The following RTN4 variants were observed in gnomAD, a reference collection of about 807,000 sequenced individuals.
RTN4 encodes the protein reticulon 4.
Under a neutral mutation model 90.4 loss-of-function variants are expected in RTN4, and 32 were observed. That is an observed-to-expected ratio of 0.35 (90% CI 0.27 to 0.48). RTN4 has a LOEUF of 0.48. Ranked by LOEUF, RTN4 falls within the 20% of genes least tolerant of loss-of-function variation. The pLI, the probability that RTN4 is intolerant of heterozygous loss-of-function variation, is 0.99. For synonymous variants in RTN4, 629 were observed against 552.5 expected (o/e 1.14, Z -1.94); for missense variants, 1,706 against 1,430.2 (o/e 1.19, Z -3.11).
intron 1 of RTN4, among the ~76,000 whole-genome samples, chr2:55,032,681 G>C (rs1682403113): frequency 6.6e-6 from 1 of 152,120 alleles, no homozygotes; most frequent in Admixed American, 6.6e-5. Flanking sequence ...CAGAGCCTCA[G>C]TGCTGAGAGA....
intron 2 of RTN4, among the ~76,000 whole-genome samples, chr2:55,057,031 C>A (rs562808775): frequency 1.3e-5 from 2 of 152,278 alleles, no homozygotes; most frequent in East Asian, 1.9e-4. Context: ...AAACTTCTGA[C>A]CCCAGAAAAA....
chr2:55,019,016 T>C (rs1681236218), intron 3 of RTN4, among the ~76,000 whole-genome samples: 1 of 152,002 alleles, frequency 6.6e-6, no homozygotes. Context: ...AAGTAAGAAA[T>C]GCTCCCCTCC....
intron 5 of RTN4, among the ~76,000 whole-genome samples, chr2:54,976,574 A>C (rs1260149984): frequency 6.6e-6 from 1 of 152,186 alleles, no homozygotes; most frequent in Non-Finnish European, 1.5e-5. Flanking sequence ...CTATCATATA[A>C]TTTTTAAATG....
chr2:55,057,805 A>C (rs1276821150), intron 2 of RTN4, among the ~76,000 whole-genome samples: 1 of 152,068 alleles, frequency 6.6e-6, no homozygotes, highest in Admixed American at 6.6e-5. Context: ...GCAACATAGC[A>C]AAAACCTATC....
intron 4 of RTN4, among the ~76,000 whole-genome samples, chr2:54,985,217 T>C (rs1260924242): frequency 1.5e-5 from 2 of 133,398 alleles, no homozygotes; most frequent in African/African-American, 5.7e-5. Flanking sequence ...TGGAGTATAG[T>C]GGCATGATCA....
intron 4 of RTN4, among the ~76,000 whole-genome samples, chr2:54,984,814 A>C (rs749721879): frequency 1.3e-5 from 2 of 152,182 alleles, no homozygotes; most frequent in African/African-American, 2.4e-5. Flanking sequence ...TAAGAATATA[A>C]AGTGTTTCTA....
At chr2:55,113,512 G>C (rs1050978908), upstream of RTN4, among the ~76,000 whole-genome samples, 1 of 152,190 alleles carries the variant, frequency 6.6e-6, no homozygotes, top group African/African-American at 2.4e-5. Context: ...AAGAGACAAG[G>C]GTGGTGGTGG....
At chr2:55,063,333 T>C (rs1392423330) in intron 2 of RTN4, among the ~76,000 whole-genome samples, 1 of 152,040 alleles carries the variant, frequency 6.6e-6, no homozygotes, top group Non-Finnish European at 1.5e-5. Context: ...AGCAGTAAAT[T>C]GTGTGAGGTG....
chr2:55,137,654 C>T, the RTN4 span, among the ~76,000 whole-genome samples: 1 of 152,098 alleles, frequency 6.6e-6, no homozygotes, highest in Non-Finnish European at 1.5e-5. Flanking sequence ...GACCAACCAC[C>T]CCACTGCTGG....
chr2:55,133,864 G>A, the RTN4 span, among the ~76,000 whole-genome samples: 278 of 152,258 alleles, frequency 1.8e-3, 1 homozygote, highest in African/African-American at 6.1e-3. Flanking sequence ...CAGGAAGAGC[G>A]AGCCAAGAGA....
chr2:55,031,157 C>T (rs1682284231), intron 1 of RTN4, among the ~76,000 whole-genome samples: 1 of 152,180 alleles, frequency 6.6e-6, no homozygotes. Context: ...AGAGTAATTA[C>T]AACAGACTAA....
intron 1 of RTN4, among the ~76,000 whole-genome samples, chr2:55,037,191 C>G (rs1017918171): frequency 6.6e-6 from 1 of 152,148 alleles, no homozygotes; most frequent in Non-Finnish European, 1.5e-5. Flanking sequence ...ATGCACAAAA[C>G]TGCTATACTG....
At chr2:55,027,554 C>T (rs1681999694) in intron 2 of RTN4, 69 bp from the exon 3 acceptor site, 2 of 1,480,908 alleles carry the variant, frequency 1.4e-6, no homozygotes, top group Non-Finnish European at 1.8e-6. Flanking sequence ...AGTTTTATGA[C>T]AGATCCAAAA....
intron 3 of RTN4, among the ~76,000 whole-genome samples, chr2:55,013,866 C>G (rs1034624154): frequency 6.6e-6 from 1 of 152,032 alleles, no homozygotes; most frequent in Admixed American, 6.6e-5. Context: ...GGTGGGAAAG[C>G]AGCAATCATT....
chr2:55,072,355 G>A (rs766549224), intron 2 of RTN4, among the ~76,000 whole-genome samples: 2 of 151,714 alleles, frequency 1.3e-5, no homozygotes, highest in Non-Finnish European at 2.9e-5. Context: ...TCAGCCTCCC[G>A]AGTAGCTGGG....
chr2:55,076,735 G>A (rs1309189106), intron 2 of RTN4, among the ~76,000 whole-genome samples: 6 of 151,986 alleles, frequency 3.9e-5, no homozygotes, highest in South Asian at 2.1e-4. Flanking sequence ...CATAATCCCC[G>A]CGTGTCTTGG....
chr2:55,085,335 G>GGA (rs1188627775), intron 1 of RTN4, among the ~76,000 whole-genome samples: 5 of 134,408 alleles, frequency 3.7e-5, no homozygotes, highest in African/African-American at 7.5e-5. Context: ...ACACATAGAA[G>GGA]GAGAGAGAGG....
chr2:55,095,076 C>A (rs749318481), intron 1 of RTN4, among the ~76,000 whole-genome samples: 1 of 152,076 alleles, frequency 6.6e-6, no homozygotes, highest in African/African-American at 2.4e-5. Context: ...GTAATCGCAG[C>A]ACTTGGAAGG....
intron 1 of RTN4, among the ~76,000 whole-genome samples, chr2:55,109,405 G>C (rs1667997101): frequency 6.6e-6 from 1 of 152,112 alleles, no homozygotes; most frequent in Non-Finnish European, 1.5e-5. Context: ...GGTATTAACT[G>C]TGCTTACAAA....
Sources: allele counts gnomAD v4.1 joint callset (sites outside exome capture counted in the v4.1 genomes callset), GRCh38; gene constraint gnomAD v4.1.1; transcripts MANE v1.5; gene names NCBI Gene and HGNC (gene_info 2026-07-23, HGNC 2026-07-21).